The following NDUFS4 variants were observed in gnomAD, a reference collection of about 807,000 sequenced individuals.
NDUFS4 encodes the protein NADH:ubiquinone oxidoreductase subunit S4.
A neutral mutation model predicts 24.3 loss-of-function variants in NDUFS4; 28 were observed. The observed-to-expected ratio is 1.15, with a 90% CI of 0.85 to 1.58. The LOEUF is 1.58. NDUFS4 is among the 40% of genes most tolerant of loss of function. The pLI, the probability that NDUFS4 is intolerant of heterozygous loss-of-function variation, is 0.00. For missense variants in NDUFS4, 223 were observed against 207.9 expected, an observed-to-expected ratio of 1.07 and a Z score of -0.45; for synonymous variants, 93 against 69.7, an observed-to-expected ratio of 1.34 and a Z score of -1.67.
chr5:53,663,409 C>G (rs570809680), intron 4 of NDUFS4, among the ~76,000 whole-genome samples: 1 of 152,244 alleles, frequency 6.6e-6, no homozygotes, highest in East Asian at 1.9e-4. Context: ...TCTCATTGAT[C>G]TGTCTAATGT....
chr5:53,642,962 T>G lies in NDUFS4; in HGVS notation c.178-3271T>G, dbSNP rs117996935. Among the ~76,000 whole-genome samples the G allele has an allele frequency of 1.7e-3, 255 of 152,240 alleles. 4 individuals carry two copies. In the East Asian group the frequency reaches 0.044, roughly 26 times the overall value. ...ACTTATTAGTTATCATTTATTAAAA[T>G]AGCATATTGCACATAAGGTTGTATT... is the stretch of plus-strand genomic sequence containing the variant. On this transcript the variant is annotated intron_variant, in intron 2 of 4. Transcript: ENST00000296684.
chr5:53,583,699 T>C (rs577261761), intron 1 of NDUFS4, among the ~76,000 whole-genome samples: 3 of 152,356 alleles, frequency 2.0e-5, no homozygotes, highest in African/African-American at 7.2e-5. Flanking sequence ...TTTTTAAATA[T>C]TATAGGTATT....
intron 2 of NDUFS4, among the ~76,000 whole-genome samples, chr5:53,612,723 C>T (rs566682777): frequency 3.3e-5 from 5 of 152,154 alleles, no homozygotes; most frequent in East Asian, 1.9e-4. Context: ...AATTAGCACA[C>T]GGTACTGGTA....
intron 2 of NDUFS4, among the ~76,000 whole-genome samples, chr5:53,606,863 A>G (rs933913190): frequency 2.0e-4 from 30 of 152,246 alleles, no homozygotes; most frequent in Non-Finnish European, 4.0e-4. Context: ...CAAATGGCAT[A>G]GTATTTGCAT....
At chr5:53,624,390 T>C (rs879787723) in intron 2 of NDUFS4, among the ~76,000 whole-genome samples, 12 of 152,198 alleles carry the variant, frequency 7.9e-5, no homozygotes, top group Non-Finnish European at 1.6e-4. Context: ...TCACTTTTTA[T>C]AGGGATTGCA....
chr5:53,646,510 C>A, intron 3 of NDUFS4, 105 bp downstream of exon 3: 1 of 1,230,536 alleles, frequency 8.1e-7, no homozygotes, highest in Non-Finnish European at 1.2e-6. Context: ...ATGCTTATGA[C>A]AGTACTTTTT....
Position 53,683,099 on chromosome 5 carries a change from C to CT in NDUFS4, c.425-16dup. On this transcript the variant is annotated intron_variant, in intron 4 of 4. Transcript: ENST00000296684. ...TTTAATTCTGTTTCTGTGGATTTGT[C>CT]TTTGTTTTTTCCTCCTAGGATGGAG... 1.3e-6 allele frequency: 2 copies of CT among 1,500,382 alleles called. No individual in the cohort carries two copies. The highest frequency in any genetic ancestry group is 1.9e-6 in the Non-Finnish European group (2 of 1,076,916). The allele number at this position is 1,500,382 out of a possible 1,614,324, so 92.9% of individuals were successfully genotyped here. A position where few individuals can be genotyped will look rare whatever the true frequency, so the allele number is the denominator to read the frequency against.
intron 1 of NDUFS4, among the ~76,000 whole-genome samples, chr5:53,572,022 G>A (rs111489509): frequency 4.1e-4 from 62 of 152,246 alleles, no homozygotes; most frequent in African/African-American, 1.3e-3. Flanking sequence ...GCATACACAT[G>A]TATTTAATAT....
At chr5:53,630,466 A>C (rs901391117) in intron 2 of NDUFS4, among the ~76,000 whole-genome samples, 5 of 152,088 alleles carry the variant, frequency 3.3e-5, no homozygotes, top group South Asian at 2.1e-4. Flanking sequence ...TAATATCCTG[A>C]AGAGTGTTTT....
intron 1 of NDUFS4, among the ~76,000 whole-genome samples, chr5:53,600,193 T>C (rs896105844): frequency 6.6e-6 from 1 of 151,902 alleles, no homozygotes; most frequent in Non-Finnish European, 1.5e-5. Flanking sequence ...GAGACTGGGT[T>C]TCTCCACGTT....
At chr5:53,672,249 T>C (rs372858239) in intron 4 of NDUFS4, among the ~76,000 whole-genome samples, 19 of 151,866 alleles carry the variant, frequency 1.3e-4, no homozygotes, top group African/African-American at 4.1e-4. Flanking sequence ...AAAAAAACTT[T>C]CAAAACAAAG....
chr5:53,568,939 A>G (rs577072762), intron 1 of NDUFS4, among the ~76,000 whole-genome samples: 3 of 152,296 alleles, frequency 2.0e-5, no homozygotes, highest in African/African-American at 7.2e-5. Context: ...GGACTCAAAA[A>G]TATGTTTTTT....
At chr5:53,587,418 GGTTA>G (rs1173929280) in intron 1 of NDUFS4, among the ~76,000 whole-genome samples, 2 of 152,104 alleles carry the variant, frequency 1.3e-5, no homozygotes, top group Admixed American at 6.5e-5. Context: ...CATGGTTAGT[GGTTA>G]GTATTTTGCT....
intron 4 of NDUFS4, among the ~76,000 whole-genome samples, chr5:53,673,844 A>T (rs1740369754): frequency 6.6e-6 from 1 of 152,206 alleles, no homozygotes; most frequent in Non-Finnish European, 1.5e-5. Context: ...ATAAATACAC[A>T]TAACTTTCTA....
intron 2 of NDUFS4, among the ~76,000 whole-genome samples, chr5:53,608,531 C>A (rs1194555905): frequency 6.6e-6 from 1 of 152,224 alleles, no homozygotes. Context: ...ATGGAATAAT[C>A]TAAATCCTTT....
At chr5:53,612,962 GA>G (rs1750743162) in intron 2 of NDUFS4, among the ~76,000 whole-genome samples, 1 of 151,936 alleles carries the variant, frequency 6.6e-6, no homozygotes. Flanking sequence ...TTTTCTTCCT[GA>G]CATACTAAAA....
At chr5:53,595,558 A>T (rs375604915) in intron 1 of NDUFS4, among the ~76,000 whole-genome samples, 1 of 152,198 alleles carries the variant, frequency 6.6e-6, no homozygotes, top group East Asian at 1.9e-4. Flanking sequence ...TCTCTCATGT[A>T]TATTTATTTT....
chr5:53,625,589 G>A (rs907386834), intron 2 of NDUFS4, among the ~76,000 whole-genome samples: 1 of 152,004 alleles, frequency 6.6e-6, no homozygotes, highest in Non-Finnish European at 1.5e-5. Flanking sequence ...CTATTGTCCT[G>A]TCTTCAAATT....
intron 2 of NDUFS4, among the ~76,000 whole-genome samples, chr5:53,628,592 T>A (rs955794577): frequency 3.3e-5 from 5 of 152,212 alleles, no homozygotes; most frequent in African/African-American, 1.2e-4. Context: ...GACTTCTTCC[T>A]GGTTTAGTTT....
Sources: gnomAD v4.1 joint callset for allele counts (sites outside exome capture counted in the v4.1 genomes callset) on GRCh38, gnomAD v4.1.1 for gene constraint, MANE v1.5 for transcripts, NCBI Gene and HGNC (gene_info 2026-07-23, HGNC 2026-07-21) for gene names.